Variants in RNF220 observed in about 807,000 individuals in gnomAD.
RNF220 encodes ring finger protein 220, also known as E3 ubiquitin-protein ligase RNF220.
A neutral mutation model predicts 67.1 loss-of-function variants in RNF220; 7 were observed. The ratio of observed to expected loss-of-function variants is 0.10; its 90% CI spans 0.06 to 0.20. The LOEUF (loss-of-function observed/expected upper bound fraction) is 0.20. Ranked by LOEUF, RNF220 falls within the 10% of genes least tolerant of loss-of-function variation. The pLI, the probability that RNF220 is intolerant of heterozygous loss-of-function variation, is 1.00. For missense variants in RNF220, 565 were observed against 740.3 expected, an observed-to-expected ratio of 0.76 and a Z score of 2.75; for synonymous variants, 270 against 283.2, an observed-to-expected ratio of 0.95 and a Z score of 0.47.
intron 2 of RNF220, among the ~76,000 whole-genome samples, chr1:44,497,778 AGCACC>A: frequency 6.6e-6 from 1 of 152,180 alleles, no homozygotes; most frequent in African/African-American, 2.4e-5. Context: ...CACCTTATTG[AGCACC>A]TACTATACTG....
At chr1:44,459,684 T>G (rs911922660) in intron 2 of RNF220, among the ~76,000 whole-genome samples, 21 of 152,060 alleles carry the variant, frequency 1.4e-4, no homozygotes, top group Non-Finnish European at 2.8e-4. Context: ...CTGAGAACTC[T>G]GGGAACACCA....
In RNF220 at chr1:44,507,678, G is replaced by T. The variant is rs903946401; in HGVS notation, c.625+94956G>T. On this transcript the variant is annotated intron_variant, in intron 2 of 14. Transcript: ENST00000361799. ...ACTTACTTCCAGCTGGACGCAGAGG[G>T]GGGTACGGAATGAAGCCCCGCCAGC... Among the ~76,000 whole-genome samples the T allele has an allele frequency of 4.6e-5, 7 of 152,186 alleles. No homozygotes were observed. The South Asian group carries it at 6.2e-4, about 13-fold the overall frequency.
intron 2 of RNF220, among the ~76,000 whole-genome samples, chr1:44,584,043 A>G (rs1345213150): frequency 1.3e-5 from 2 of 152,242 alleles, no homozygotes; most frequent in Non-Finnish European, 2.9e-5. Flanking sequence ...CATGAGGTAC[A>G]TAGCATCGTG....
intron 2 of RNF220, among the ~76,000 whole-genome samples, chr1:44,534,265 C>T (rs1661040297): frequency 6.6e-6 from 1 of 151,934 alleles, no homozygotes; most frequent in East Asian, 1.9e-4. Flanking sequence ...CAGGTGTGAG[C>T]CATTGCACCT....
Position 44,614,230 on chromosome 1 carries a change from C to G in RNF220, c.691C>G (p.Leu231Val), listed in dbSNP as rs1557439129. The change falls in exon 3 of 15, where the codon CTG (leucine) becomes GTG (valine). Residue 231 changes from leucine (L) to valine (V), a missense_variant. Physicochemically the swap from Leu to Val is conservative, Grantham distance 32 (BLOSUM62 1). Transcript: ENST00000361799. ...AATTTGCCCCATCTGCCAGGTCCTGCTGAGGCCCAGTGAGCTGCAGGAGCA... is the reference window on the plus strand; with the variant it reads ...AATTTGCCCCATCTGCCAGGTCCTGGTGAGGCCCAGTGAGCTGCAGGAGCA... ...APICPICQVL[L>V]RPSELQEHME... 1 of 1,614,192 alleles carries G rather than the reference C, an allele frequency of 6.2e-7. No homozygotes were observed. The highest frequency in any genetic ancestry group is 8.5e-7 in the Non-Finnish European group (1 of 1,180,010).
chr1:44,609,291 C>T (rs1159203905), intron 2 of RNF220, among the ~76,000 whole-genome samples: 1 of 152,144 alleles, frequency 6.6e-6, no homozygotes, highest in Non-Finnish European at 1.5e-5. Flanking sequence ...CCCTGTCAGA[C>T]ACCAGTCGAT....
intron 2 of RNF220, among the ~76,000 whole-genome samples, chr1:44,414,838 C>T (rs1648356519): frequency 6.7e-6 from 1 of 150,004 alleles, no homozygotes; most frequent in African/African-American, 2.5e-5. Flanking sequence ...CTGTGTTCTC[C>T]TTTTTTTTTC....
intron 2 of RNF220, among the ~76,000 whole-genome samples, chr1:44,520,139 G>C (rs1659809700): frequency 6.6e-6 from 1 of 150,978 alleles, no homozygotes; most frequent in African/African-American, 2.4e-5. Flanking sequence ...GAGAGAGAGA[G>C]AGAGAGAAAG....
chr1:44,531,431 C>T (rs187302963), intron 2 of RNF220, among the ~76,000 whole-genome samples: 1 of 152,348 alleles, frequency 6.6e-6, no homozygotes, highest in East Asian at 1.9e-4. Context: ...CCCTGGTGGA[C>T]TCACTCCGTT....
intron 2 of RNF220, 143 bp from the exon 3 acceptor site, chr1:44,614,022 G>C: frequency 3.0e-6 from 3 of 993,278 alleles, no homozygotes; most frequent in Non-Finnish European, 4.4e-6. Flanking sequence ...GGGTGCTCGT[G>C]GGCTCTGAAA....
chr1:44,491,915 C>T (rs748398339), intron 2 of RNF220, among the ~76,000 whole-genome samples: 14 of 152,156 alleles, frequency 9.2e-5, no homozygotes, highest in African/African-American at 1.4e-4. Flanking sequence ...CCACCCGCTT[C>T]GGCCTCCCAA....
At chr1:44,437,470 C>T (rs1023961702) in intron 2 of RNF220, among the ~76,000 whole-genome samples, 1 of 152,142 alleles carries the variant, frequency 6.6e-6, no homozygotes, top group Non-Finnish European at 1.5e-5. Context: ...TATCTTCCCC[C>T]ACCCCACCCC....
intron 2 of RNF220, among the ~76,000 whole-genome samples, chr1:44,414,551 C>T (rs1648328873): frequency 6.6e-6 from 1 of 152,144 alleles, no homozygotes; most frequent in Non-Finnish European, 1.5e-5. Flanking sequence ...ATCCATTCCC[C>T]TCTGAGTGTC....
chr1:44,518,654 A>G (rs1035992394), intron 2 of RNF220, among the ~76,000 whole-genome samples: 2 of 152,194 alleles, frequency 1.3e-5, no homozygotes, highest in African/African-American at 4.8e-5. Flanking sequence ...AGGCAGGCAG[A>G]TCACGAGGTC....
In RNF220 at chr1:44,649,549, G is replaced by A. The variant is rs940939794; in HGVS notation, c.1446-112G>A. Reference sequence around the variant, plus strand: ...GTTATCAGAGAAAGGGGGCAGGCAGGGATGCCTAGGGGACATTTATGTATT... The same window carrying A: ...GTTATCAGAGAAAGGGGGCAGGCAGAGATGCCTAGGGGACATTTATGTATT... On this transcript the variant is annotated intron_variant, in intron 12 of 14. Transcript: ENST00000361799. The surrounding 1 kb of genome is among the most constrained non-coding windows in gnomAD (Gnocchi z 5.9). 1 of 940,544 alleles carries A rather than the reference G, an allele frequency of 1.1e-6. No individual in the cohort carries two copies. Among genetic ancestry groups the A allele is most frequent in the Non-Finnish European group, 1.7e-6 (1 of 594,824 alleles). The allele number at this position is 940,544 out of a possible 1,614,324, so 58.3% of individuals were successfully genotyped here.
intron 2 of RNF220, among the ~76,000 whole-genome samples, chr1:44,561,550 C>T (rs1663575804): frequency 6.6e-6 from 1 of 151,952 alleles, no homozygotes; most frequent in Non-Finnish European, 1.5e-5. Context: ...ATTTCTAGGC[C>T]AAGAGAGGTG....
At chr1:44,428,523 C>T (rs1274060679) in intron 2 of RNF220, among the ~76,000 whole-genome samples, 1 of 152,094 alleles carries the variant, frequency 6.6e-6, no homozygotes. Flanking sequence ...TCTACAAATA[C>T]TCTTCTCCTA....
intron 6 of RNF220, 54 bp downstream of exon 6, chr1:44,632,439 C>T (rs1430712911): frequency 2.7e-6 from 4 of 1,504,696 alleles, no homozygotes; most frequent in African/African-American, 1.4e-5. Context: ...CTCCCTCCCT[C>T]CCTCACTGCC....
chr1:44,417,488 T>A lies in RNF220; in HGVS notation c.625+4766T>A, dbSNP rs894836300. On this transcript the variant is annotated intron_variant, in intron 2 of 14. Coordinates refer to ENST00000361799, the MANE Select transcript of RNF220 (RefSeq NM_018150.4). The surrounding 1 kb of genome is among the most constrained non-coding windows in gnomAD (Gnocchi z 4.0). ...CTCGGCGCGCCGCTCGCCTGGCGGC[T>A]GGGCTCGCTGTAGTTGTGCTCCCGC... is the stretch of plus-strand genomic sequence containing the variant. Among the ~76,000 whole-genome samples, 12 of 151,898 alleles carry A rather than the reference T, an allele frequency of 7.9e-5. No homozygotes were observed. The highest frequency in any genetic ancestry group is 1.3e-4 in the Non-Finnish European group (9 of 67,980).
Sources: gnomAD v4.1 joint callset for allele counts (sites outside exome capture counted in the v4.1 genomes callset) on GRCh38, gnomAD v4.1.1 for gene constraint, Gnocchi (gnomAD v3.1) non-coding constraint, MANE v1.5 for transcripts, NCBI Gene and HGNC (gene_info 2026-07-23, HGNC 2026-07-21) for gene names.